SNAP91: variants seen among roughly 807,000 people sequenced by gnomAD.
SNAP91 encodes clathrin coat assembly protein AP180.
In SNAP91, 27 loss-of-function variants were observed where a neutral mutation model predicts 100.3. That is an observed-to-expected ratio of 0.27 (90% CI 0.20 to 0.37). The LOEUF (loss-of-function observed/expected upper bound fraction) is 0.37, where lower values mean the gene tolerates loss of function less well. Ranked by LOEUF, SNAP91 falls within the 10% of genes least tolerant of loss-of-function variation. The pLI, the probability that SNAP91 is intolerant of heterozygous loss-of-function variation, is 1.00. For missense variants in SNAP91, 986 were observed against 1,123.7 expected, an observed-to-expected ratio of 0.88 and a Z score of 1.75; for synonymous variants, 404 against 398.6, an observed-to-expected ratio of 1.01 and a Z score of -0.16.
At chr6:83,607,657 T>C in intron 13 of SNAP91, 42 bp downstream of exon 13, 1 of 1,273,256 alleles carries the variant, frequency 7.9e-7, no homozygotes. Context: ...CAAACTCTAA[T>C]AAAATATTAA....
At chr6:83,583,833 C>T (rs957743463) in intron 22 of SNAP91, among the ~76,000 whole-genome samples, 1 of 152,052 alleles carries the variant, frequency 6.6e-6, no homozygotes, top group African/African-American at 2.4e-5. Flanking sequence ...GGTGGCAATG[C>T]TGTTTGAGTT....
intron 7 of SNAP91, among the ~76,000 whole-genome samples, chr6:83,644,680 C>T (rs2097848257): frequency 6.6e-6 from 1 of 152,248 alleles, no homozygotes; most frequent in African/African-American, 2.4e-5. Flanking sequence ...AGAGTTTCTA[C>T]ATAAGCTGTT....
chr6:83,679,205 A>G (rs565503696), intron 2 of SNAP91, among the ~76,000 whole-genome samples: 7 of 152,276 alleles, frequency 4.6e-5, no homozygotes, highest in Admixed American at 4.6e-4. Flanking sequence ...TGGAAACACT[A>G]CATTTTATAT....
intron 4 of SNAP91, 22 bp downstream of exon 4, chr6:83,662,325 T>A: frequency 8.0e-7 from 1 of 1,251,284 alleles, no homozygotes; most frequent in Non-Finnish European, 1.1e-6. Flanking sequence ...GGCAAAAAAT[T>A]ATAAAATACA....
At chr6:83,582,199 A>G in intron 23 of SNAP91, 23 bp downstream of exon 23, 1 of 1,611,638 alleles carries the variant, frequency 6.2e-7, no homozygotes, top group Non-Finnish European at 8.5e-7. Flanking sequence ...CATGAAAAGA[A>G]TGTTTGAAAG....
At chr6:83,588,112 G>C (rs1013420085) in intron 22 of SNAP91, among the ~76,000 whole-genome samples, 1 of 152,102 alleles carries the variant, frequency 6.6e-6, no homozygotes, top group African/African-American at 2.4e-5. Context: ...TATGATTGTG[G>C]GACACTGCAT....
Position 83,580,567 on chromosome 6 carries a change from T to G in SNAP91, c.2182A>C (p.Thr728Pro). 2.5e-6 allele frequency: 4 copies of G among 1,613,034 alleles called. No individual in the cohort carries two copies. The highest frequency in any genetic ancestry group is 3.4e-6 in the Non-Finnish European group (4 of 1,179,570). Reference sequence around the variant, plus strand: ...GCAGGCTGCCCAGCTGGTGCCATGGTTGGCATCAAAAGATCACCTAGACCA... The same window carrying G: ...GCAGGCTGCCCAGCTGGTGCCATGGGTGGCATCAAAAGATCACCTAGACCA... ...FDGLGDLLMP[T>P]MAPAGQPAPV... is the part of the protein sequence containing the mutation. The change falls in exon 24 of 30, where the codon ACC becomes CCC. Residue 728 changes from threonine to proline, a missense_variant. Thr to Pro is a conservative substitution (Grantham distance 38). Around this residue, in one of 4 missense-constraint regions of SNAP91, gnomAD observed 575 missense variants for 579.9 expected, o/e 0.99. Transcript: ENST00000369694.
chr6:83,559,036 T>A (rs914170616), intron 28 of SNAP91, among the ~76,000 whole-genome samples: 3 of 152,102 alleles, frequency 2.0e-5, no homozygotes, highest in Admixed American at 2.0e-4. Flanking sequence ...TAAACTGAGG[T>A]TTTTTCCTTT....
intron 2 of SNAP91, among the ~76,000 whole-genome samples, chr6:83,674,000 A>G (rs1444743493): frequency 2.0e-5 from 3 of 152,218 alleles, no homozygotes; most frequent in Non-Finnish European, 4.4e-5. Flanking sequence ...GACTTCATCT[A>G]TAAGTTGAAG....
chr6:83,617,850 T>C (rs1291535704), intron 9 of SNAP91, among the ~76,000 whole-genome samples: 1 of 151,888 alleles, frequency 6.6e-6, no homozygotes, highest in Non-Finnish European at 1.5e-5. Flanking sequence ...CTTTCTCAAA[T>C]AGTTGTAATA....
rs899221208 is a variant in SNAP91 at position 83,602,807 on chromosome 6, T to C, written c.1142-1208A>G. ...ATCAAAAGGTGAACATCAGGCCCTA[T>C]AAGGTGCCTTTGTACTAATTATAAA... On this transcript the variant is annotated intron_variant, in intron 14 of 29. Coordinates refer to ENST00000369694, the MANE Select transcript of SNAP91 (RefSeq NM_001242792.2). Among the ~76,000 whole-genome samples the C allele has an allele frequency of 2.0e-5, 3 of 152,036 alleles. No homozygotes were observed. In the East Asian group the frequency reaches 5.8e-4, roughly 29 times the overall value.
intron 2 of SNAP91, among the ~76,000 whole-genome samples, chr6:83,679,579 G>A (rs937479808): frequency 6.6e-6 from 1 of 152,058 alleles, no homozygotes; most frequent in Non-Finnish European, 1.5e-5. Flanking sequence ...CTGCACATCT[G>A]AGATCCTTGA....
chr6:83,682,090 C>T (rs2098996918), intron 2 of SNAP91, among the ~76,000 whole-genome samples: 1 of 151,984 alleles, frequency 6.6e-6, no homozygotes, highest in Admixed American at 6.6e-5. Context: ...AGTCCTTCCT[C>T]CTTCCTAAGG....
At chr6:83,687,774 G>C (rs773166656) in intron 2 of SNAP91, among the ~76,000 whole-genome samples, 2 of 152,138 alleles carry the variant, frequency 1.3e-5, no homozygotes, top group Non-Finnish European at 2.9e-5. Context: ...GACTAGCAGG[G>C]GCAGAGGAGA....
intron 16 of SNAP91, among the ~76,000 whole-genome samples, chr6:83,596,474 T>C (rs1438657686): frequency 1.3e-5 from 2 of 152,260 alleles, no homozygotes; most frequent in African/African-American, 4.8e-5. Context: ...TTGGTTCCTA[T>C]AAAATTTGGA....
chr6:83,704,046 T>C (rs2099350535), intron 2 of SNAP91, among the ~76,000 whole-genome samples: 1 of 152,204 alleles, frequency 6.6e-6, no homozygotes, highest in Non-Finnish European at 1.5e-5. Context: ...ACTGGGTAGG[T>C]ACTGGGTGCC....
At chr6:83,707,722 A>AG in intron 2 of SNAP91, 76 bp downstream of exon 2, 1 of 1,573,634 alleles carries the variant, frequency 6.4e-7, no homozygotes, top group East Asian at 2.3e-5. Context: ...TTATGGACCA[A>AG]GAGCGCAGGC....
rs529634850 is a variant in SNAP91, at chr6:83,674,779, G to A, written c.131-9198C>T. Among the ~76,000 whole-genome samples, 10 of 152,174 alleles carry A rather than the reference G, an allele frequency of 6.6e-5. No homozygotes were observed. The South Asian group carries it at 1.5e-3, about 22-fold the overall frequency. ...GAAAGGGGCTATCTTTTTCCCATGC[G>A]GAATGAAGACCTAACAATGTGAAAC... On this transcript the variant is annotated intron_variant, in intron 2 of 29. Coordinates refer to ENST00000369694, the MANE Select transcript of SNAP91 (RefSeq NM_001242792.2).
chr6:83,610,889 C>A (rs2096011696), intron 11 of SNAP91, among the ~76,000 whole-genome samples: 1 of 150,858 alleles, frequency 6.6e-6, no homozygotes, highest in African/African-American at 2.4e-5. Context: ...ATAATGACAC[C>A]CCCTTCCACT....
Sources: allele counts gnomAD v4.1 joint callset (sites outside exome capture counted in the v4.1 genomes callset), GRCh38; gene constraint gnomAD v4.1.1; regional missense constraint gnomAD v4.1.1; transcripts MANE v1.5; gene names NCBI Gene and HGNC (gene_info 2026-07-23, HGNC 2026-07-21).